Variants in KAT6A observed in about 807,000 individuals in gnomAD.
The protein encoded by KAT6A is lysine acetyltransferase 6A, also known as histone acetyltransferase KAT6A.
KAT6A carries 9 observed loss-of-function variants against 198.4 expected under a neutral mutation model. The observed-to-expected ratio is 0.05, with a 90% confidence interval of 0.03 to 0.08. The LOEUF (loss-of-function observed/expected upper bound fraction) is 0.08. Ranked by LOEUF, KAT6A falls within the 10% of genes least tolerant of loss-of-function variation. The pLI, the probability that KAT6A is intolerant of heterozygous loss-of-function variation, is 1.00. For missense variants in KAT6A, 2,077 were observed against 2,509.9 expected (o/e 0.83, Z 3.69); for synonymous variants, 890 against 883.0 (o/e 1.01, Z -0.14).
intron 7 of KAT6A, 141 bp from the exon 8 acceptor site, chr8:41,974,963 C>T (rs1564033156): frequency 1.5e-5 from 7 of 464,128 alleles, no homozygotes; most frequent in South Asian, 5.0e-5. Flanking sequence ...TAGAAGAATG[C>T]TACTCAATAA....
intron 16 of KAT6A, among the ~76,000 whole-genome samples, chr8:41,935,734 T>C (rs1821818429): frequency 6.6e-6 from 1 of 152,188 alleles, no homozygotes; most frequent in Non-Finnish European, 1.5e-5. Flanking sequence ...CAGTTAGTAG[T>C]AGTAACTTGA....
chr8:41,971,381 T>C (rs1320398673), intron 8 of KAT6A, among the ~76,000 whole-genome samples: 1 of 152,078 alleles, frequency 6.6e-6, no homozygotes, highest in African/African-American at 2.4e-5. Flanking sequence ...TTCGTGTGGA[T>C]ATGAGCAAGA....
chr8:42,039,143 G>A (rs1827515953), intron 2 of KAT6A, among the ~76,000 whole-genome samples: 1 of 152,114 alleles, frequency 6.6e-6, no homozygotes, highest in African/African-American at 2.4e-5. Flanking sequence ...GCTCCAGCTG[G>A]GACAAGCAGA....
At chr8:42,016,121 T>C (rs953925347) in intron 2 of KAT6A, among the ~76,000 whole-genome samples, 9 of 152,174 alleles carry the variant, frequency 5.9e-5, no homozygotes, top group African/African-American at 1.9e-4. Flanking sequence ...GAGGTTGTCC[T>C]CCCTTACACA....
At chr8:41,991,467 G>A (rs1197667018) in intron 2 of KAT6A, among the ~76,000 whole-genome samples, 5 of 152,156 alleles carry the variant, frequency 3.3e-5, no homozygotes, top group Non-Finnish European at 7.3e-5. Flanking sequence ...GGAAAGGAAG[G>A]AAACAGTAGT....
intron 2 of KAT6A, among the ~76,000 whole-genome samples, chr8:42,002,165 T>C (rs918345788): frequency 6.6e-6 from 1 of 152,134 alleles, no homozygotes; most frequent in Non-Finnish European, 1.5e-5. Context: ...CATCACCACT[T>C]TCCAGATAGG....
In KAT6A at chr8:41,933,720, G is replaced by A. The variant is rs895791199; in HGVS notation, c.4500C>T (p.Pro1500=). Residue 1500 remains proline, a synonymous_variant, in exon 17 of 17, where the codon CCC becomes CCT. Transcript: ENST00000265713. The surrounding 1 kb of genome is among the most constrained non-coding windows in gnomAD (Gnocchi z 6.2). The part of the protein sequence containing the change: ...PSQSVRSVSS[P]NVPALESGYT... Reference sequence around the variant, plus strand: ...AGCCACTCTCAAGGGCAGGCACGTTGGGACTGCTGACCGAACGGACTGACT... The same window carrying A: ...AGCCACTCTCAAGGGCAGGCACGTTAGGACTGCTGACCGAACGGACTGACT... 1.2e-6 allele frequency: 2 copies of A among 1,614,146 alleles called. No individual in the cohort carries two copies. The highest frequency in any genetic ancestry group is 2.2e-5 in the East Asian group (1 of 44,872).
intron 2 of KAT6A, among the ~76,000 whole-genome samples, chr8:42,012,406 T>C (rs1352643817): frequency 2.0e-5 from 3 of 152,272 alleles, no homozygotes; most frequent in East Asian, 1.9e-4. Context: ...GGGGGGGTTA[T>C]CCTGGATTAT....
intron 10 of KAT6A, 96 bp downstream of exon 10, chr8:41,949,126 C>T (rs967341630): frequency 7.5e-5 from 56 of 743,824 alleles, no homozygotes; most frequent in Non-Finnish European, 1.1e-4. Context: ...TTTAGTGATA[C>T]ATAAAATAGA....
intron 9 of KAT6A, among the ~76,000 whole-genome samples, chr8:41,951,777 T>C (rs562624923): frequency 6.6e-6 from 1 of 152,332 alleles, no homozygotes; most frequent in African/African-American, 2.4e-5. Context: ...TGGCCCAACA[T>C]AGTAGCAGTT....
At chr8:41,984,793 T>C (rs980549347) in intron 3 of KAT6A, among the ~76,000 whole-genome samples, 4 of 151,826 alleles carry the variant, frequency 2.6e-5, no homozygotes, top group East Asian at 3.9e-4. Flanking sequence ...CCTGGTGAAG[T>C]AGAGATGGTG....
intron 2 of KAT6A, among the ~76,000 whole-genome samples, chr8:42,027,306 G>A (rs1218886080): frequency 1.3e-5 from 2 of 152,206 alleles, no homozygotes; most frequent in East Asian, 1.9e-4. Context: ...TGTAGAGTGA[G>A]TTAGGAAGAA....
intron 7 of KAT6A, among the ~76,000 whole-genome samples, chr8:41,975,522 T>C (rs962901505): frequency 2.0e-5 from 3 of 152,164 alleles, no homozygotes; most frequent in African/African-American, 7.2e-5. Flanking sequence ...GTGACAGTTC[T>C]CAAGTCAACT....
chr8:41,962,865 G>A (rs996839423), intron 8 of KAT6A, among the ~76,000 whole-genome samples: 2 of 152,144 alleles, frequency 1.3e-5, no homozygotes, highest in East Asian at 1.9e-4. Context: ...ATTGTGACTC[G>A]GGTCTTTGCA....
chr8:41,934,583 G>C lies in KAT6A; in HGVS notation c.3637C>G (p.Pro1213Ala), dbSNP rs1156693345. The change falls in exon 17 of 17, where the codon CCA becomes GCA. Residue 1213 changes from proline to alanine, a missense_variant. By Grantham distance (27) the Pro-to-Ala change is conservative. Coordinates refer to ENST00000265713, the MANE Select transcript of KAT6A (RefSeq NM_006766.5). Reference protein sequence around the residue: ...KIQESEETVEPKEDMPLPEER... With the variant: ...KIQESEETVEAKEDMPLPEER... ...TCGGGTAGGGGCATGTCTTCTTTTG[G>C]CTCAACAGTTTCTTCACTCTCCTGG... is the stretch of plus-strand genomic sequence containing the variant. 1.2e-6 allele frequency: 2 copies of C among 1,613,776 alleles called. No individual in the cohort carries two copies. The highest frequency in any genetic ancestry group is 1.3e-5 in the African/African-American group (1 of 74,800).
At chr8:41,987,618 A>G in intron 2 of KAT6A, 55 bp from the exon 3 acceptor site, 4 of 994,874 alleles carry the variant, frequency 4.0e-6, no homozygotes, top group Non-Finnish European at 6.3e-6. Flanking sequence ...TAGTATTACT[A>G]CAAAGACATC....
At chr8:41,985,054 A>C (rs1295833811) in intron 3 of KAT6A, among the ~76,000 whole-genome samples, 1 of 151,908 alleles carries the variant, frequency 6.6e-6, no homozygotes, top group Non-Finnish European at 1.5e-5. Flanking sequence ...AGAGAGACGC[A>C]CAGACCACCT....
chr8:42,023,590 T>C (rs578075728), intron 2 of KAT6A, among the ~76,000 whole-genome samples: 1 of 151,834 alleles, frequency 6.6e-6, no homozygotes, highest in South Asian at 2.1e-4. Flanking sequence ...CAGGCTCAAG[T>C]GATCCTCCCA....
intron 8 of KAT6A, among the ~76,000 whole-genome samples, chr8:41,971,129 G>C (rs1167118385): frequency 6.6e-6 from 1 of 151,254 alleles, no homozygotes; most frequent in Non-Finnish European, 1.5e-5. Flanking sequence ...TGTAAATGAC[G>C]AGTTAATGGG....
Sources: gnomAD v4.1 joint callset for allele counts (sites outside exome capture counted in the v4.1 genomes callset) on GRCh38, gnomAD v4.1.1 for gene constraint, Gnocchi (gnomAD v3.1) non-coding constraint, MANE v1.5 for transcripts, NCBI Gene and HGNC (gene_info 2026-07-23, HGNC 2026-07-21) for gene names.